The following SNX29 variants were observed in gnomAD, a reference collection of about 807,000 sequenced individuals.
SNX29 encodes the protein sorting nexin-29.
Under a neutral mutation model 102.1 loss-of-function variants are expected in SNX29, and 78 were observed. The ratio of observed to expected loss-of-function variants is 0.76; its 90% CI spans 0.64 to 0.92. The LOEUF (loss-of-function observed/expected upper bound fraction) is 0.92, where lower values mean the gene tolerates loss of function less well. Ranked by LOEUF, SNX29 falls within the 40% of genes least tolerant of loss-of-function variation. The probability of loss-of-function intolerance (pLI) is 0.00; values close to 1 mark genes in which losing one functional copy is unlikely to be tolerated. For synonymous variants in SNX29, 580 were observed against 414.5 expected, an observed-to-expected ratio of 1.40 and a Z score of -4.85; for missense variants, 1,280 against 1,061.7, an observed-to-expected ratio of 1.21 and a Z score of -2.86.
intron 18 of SNX29, among the ~76,000 whole-genome samples, chr16:12,474,386 G>T (rs758226921): frequency 6.6e-5 from 10 of 152,150 alleles, no homozygotes; most frequent in East Asian, 1.9e-4. Context: ...CAGAGGTCCA[G>T]ACTAGAGATA....
chr16:12,566,996 T>G (rs925355240), intron 20 of SNX29, among the ~76,000 whole-genome samples: 3 of 152,202 alleles, frequency 2.0e-5, no homozygotes, highest in African/African-American at 7.2e-5. Context: ...CCTGGAAAGG[T>G]GCAACGCAAA....
At chr16:12,263,359 C>G (rs1401844813) in intron 14 of SNX29, among the ~76,000 whole-genome samples, 1 of 152,162 alleles carries the variant, frequency 6.6e-6, no homozygotes, top group Admixed American at 6.6e-5. Context: ...AACTCCTGAC[C>G]TCAGGTGGCC....
At chr16:12,559,565 T>C (rs142580723) in intron 20 of SNX29, among the ~76,000 whole-genome samples, 189 of 152,140 alleles carry the variant, frequency 1.2e-3, no homozygotes, top group African/African-American at 4.4e-3. Context: ...AAATTTTTCT[T>C]ATACATAACT....
chr16:12,566,739 G>A (rs1035604722), intron 20 of SNX29, among the ~76,000 whole-genome samples: 9 of 152,164 alleles, frequency 5.9e-5, no homozygotes, highest in Non-Finnish European at 8.8e-5. Flanking sequence ...TTTGCTTTGG[G>A]CCTGCAGCCA....
chr16:12,158,848 C>T (rs1320840645), intron 13 of SNX29, among the ~76,000 whole-genome samples: 2 of 152,208 alleles, frequency 1.3e-5, no homozygotes, highest in Non-Finnish European at 2.9e-5. Context: ...CAGTGCTTGT[C>T]TGTTTAAGTA....
intron 18 of SNX29, among the ~76,000 whole-genome samples, chr16:12,448,748 C>T (rs564077885): frequency 1.3e-5 from 2 of 152,338 alleles, no homozygotes; most frequent in Admixed American, 1.3e-4. Context: ...CCTGAAGTGT[C>T]TGGCTCATAG....
At chr16:12,191,487 C>T (rs2076641073) in intron 13 of SNX29, among the ~76,000 whole-genome samples, 1 of 152,152 alleles carries the variant, frequency 6.6e-6, no homozygotes, top group East Asian at 1.9e-4. Context: ...CCCTTCTCTC[C>T]TCCCCCACTC....
At chr16:12,391,529 A>T (rs918795006) in intron 16 of SNX29, among the ~76,000 whole-genome samples, 2 of 152,248 alleles carry the variant, frequency 1.3e-5, no homozygotes, top group East Asian at 3.8e-4. Flanking sequence ...AAAGAATTTT[A>T]CAGTGAACAC....
At chr16:12,286,031 CAG>C (rs1417296007) in intron 15 of SNX29, among the ~76,000 whole-genome samples, 1 of 152,012 alleles carries the variant, frequency 6.6e-6, no homozygotes, top group African/African-American at 2.4e-5. Flanking sequence ...TTAGTAGAGA[CAG>C]GGTTTCACCG....
rs2086576022 is a variant in SNX29, at chr16:12,457,167, C to T, written c.2038-20552C>T. Among the ~76,000 whole-genome samples the T allele has an allele frequency of 1.3e-5, 2 of 152,210 alleles. 1 individual carries two copies. The highest frequency in any genetic ancestry group is 4.1e-4 in the South Asian group (2 of 4,824). On this transcript the variant is annotated intron_variant, in intron 18 of 20. Transcript: ENST00000566228. ...CATTTAAGGAGAGTTCAACCCCTTT[C>T]CAGAATTGCTAATAACAGTACAATA...
At chr16:12,258,790 C>T (rs1319717777) in intron 14 of SNX29, among the ~76,000 whole-genome samples, 17 of 152,226 alleles carry the variant, frequency 1.1e-4, no homozygotes, top group Admixed American at 7.8e-4. Flanking sequence ...CTGAATCAGA[C>T]GTCTCCTCTG....
At chr16:12,194,133 C>T (rs1400050434) in intron 13 of SNX29, among the ~76,000 whole-genome samples, 1 of 152,166 alleles carries the variant, frequency 6.6e-6, no homozygotes, top group Admixed American at 6.5e-5. Context: ...CTGGTATCTC[C>T]AGGTAGTTAG....
intron 20 of SNX29, chr16:12,560,860 T>C (rs939259100): frequency 5.4e-6 from 1 of 184,380 alleles, no homozygotes; most frequent in African/African-American, 2.3e-5. Flanking sequence ...TGAGAATTGG[T>C]GTTAGTCCTT....
At chr16:12,104,610 C>G (rs1165061532) in intron 11 of SNX29, among the ~76,000 whole-genome samples, 1 of 151,934 alleles carries the variant, frequency 6.6e-6, no homozygotes, top group Non-Finnish European at 1.5e-5. Context: ...AACTTGTTGC[C>G]ACTTTTTCTT....
chr16:12,264,592 G>T (rs901833103), intron 14 of SNX29, among the ~76,000 whole-genome samples: 2 of 152,174 alleles, frequency 1.3e-5, no homozygotes, highest in Non-Finnish European at 2.9e-5. Context: ...GACGAGCCTG[G>T]CTAACAAGGT....
chr16:12,364,418 T>TC (rs34457878), intron 16 of SNX29, among the ~76,000 whole-genome samples: 67,142 of 146,208 alleles, frequency 0.46, 15,984 homozygotes, highest in Non-Finnish European at 0.56. Context: ...CTCTTCTTCT[T>TC]TTTTTTTTTT....
intron 11 of SNX29, among the ~76,000 whole-genome samples, chr16:12,122,931 A>G (rs1596973656): frequency 6.6e-6 from 1 of 151,972 alleles, no homozygotes; most frequent in Admixed American, 6.6e-5. Flanking sequence ...GGTTCAAGCA[A>G]TTCTCCCGCC....
At chr16:12,010,886 C>G (rs2056625456) in intron 3 of SNX29, among the ~76,000 whole-genome samples, 2 of 152,128 alleles carry the variant, frequency 1.3e-5, no homozygotes, top group African/African-American at 4.8e-5. Flanking sequence ...GTGTATCCCC[C>G]AGAGGACTTA....
chr16:12,180,629 G>A (rs1041325533), intron 13 of SNX29, among the ~76,000 whole-genome samples: 103 of 151,938 alleles, frequency 6.8e-4, no homozygotes, highest in Non-Finnish European at 3.1e-4. Flanking sequence ...GACTACAGGC[G>A]CCCGCCACCA....
Sources: gnomAD v4.1 joint callset for allele counts (sites outside exome capture counted in the v4.1 genomes callset) on GRCh38, gnomAD v4.1.1 for gene constraint, MANE v1.5 for transcripts, NCBI Gene and HGNC (gene_info 2026-07-23, HGNC 2026-07-21) for gene names.